Variants in FSIP2 observed in about 807,000 individuals in gnomAD.
FSIP2 encodes the protein fibrous sheath interacting protein 2.
A neutral mutation model predicts 510.5 loss-of-function variants in FSIP2; 367 were observed. That is an observed-to-expected ratio of 0.72 (90% confidence interval 0.66 to 0.78). The LOEUF (loss-of-function observed/expected upper bound fraction) is 0.78, where lower values mean the gene tolerates loss of function less well. FSIP2 is among the 30% of genes least tolerant of loss of function. The pLI is 0.00. For missense variants in FSIP2, 7,594 were observed against 7,901.7 expected, an observed-to-expected ratio of 0.96 and a Z score of 1.48; for synonymous variants, 2,601 against 2,732.2, an observed-to-expected ratio of 0.95 and a Z score of 1.50.
chr2:185,757,491 T>C (rs1331464133), intron 9 of FSIP2, among the ~76,000 whole-genome samples: 1 of 151,308 alleles, frequency 6.6e-6, no homozygotes, highest in Non-Finnish European at 1.5e-5. Flanking sequence ...ATGTGAGTCA[T>C]TGTAGGCTTT....
chr2:185,808,930 G>A lies in FSIP2; in HGVS notation c.19624G>A (p.Ala6542Thr). 1 of 1,607,592 alleles carries A rather than the reference G, an allele frequency of 6.2e-7. No individual in the cohort carries two copies. The highest frequency in any genetic ancestry group is 1.1e-5 in the South Asian group (1 of 89,590). The stretch of plus-strand genomic sequence containing the variant: ...TCCAAAAATTATTTCAGAACACTTA[G>A]CAGTTATTTCTATAAAAACTCAACC... ...IDPKIISEHL[A>T]VISIKTQPLE... Residue 6542 changes from alanine (A) to threonine (T), a missense_variant, in exon 17 of 23, where the codon GCA becomes ACA. Ala to Thr is a moderately conservative substitution (Grantham distance 58). Transcript: ENST00000424728.
At chr2:185,821,380 C>CT (rs1271506884) in intron 19 of FSIP2, among the ~76,000 whole-genome samples, 1 of 151,896 alleles carries the variant, frequency 6.6e-6, no homozygotes, top group African/African-American at 2.4e-5. Context: ...AGAATTAACA[C>CT]TAACCCCCCT....
In FSIP2 at chr2:185,789,613, C is replaced by T. The variant is rs1408928660; in HGVS notation, c.2477C>T (p.Ala826Val). 5 of 1,534,706 alleles carry T rather than the reference C, an allele frequency of 3.3e-6. No homozygotes were observed. In the East Asian group the frequency reaches 9.8e-5, roughly 30 times the overall value. Reference sequence around the variant, plus strand: ...GATATTGCAGAGGACATGGTGCATGCCATTTTAGAAAAGCTAATGACTCTT... The same window carrying T: ...GATATTGCAGAGGACATGGTGCATGTCATTTTAGAAAAGCTAATGACTCTT... ...MCDIAEDMVH[A>V]ILEKLMTLVS... Residue 826 changes from alanine to valine, a missense_variant, in exon 16 of 23, where the codon GCC becomes GTC. Physicochemically the swap from Ala to Val is moderately conservative, Grantham distance 64. Coordinates refer to ENST00000424728, the MANE Select transcript of FSIP2 (RefSeq NM_173651.4).
Position 185,807,684 on chromosome 2 carries a change from T to C in FSIP2, c.18378T>C (p.Ala6126=), listed in dbSNP as rs1693619430. 1 of 1,612,784 alleles carries C rather than the reference T, an allele frequency of 6.2e-7. No homozygotes were observed. Reference sequence around the variant, plus strand: ...TTGACTTGGTTCTACGAGAAGTGGCTAGCAATCAGCTGCAGAGCTATTTTT... The same window carrying C: ...TTGACTTGGTTCTACGAGAAGTGGCCAGCAATCAGCTGCAGAGCTATTTTT... ...NIVDLVLREV[A]SNQLQSYFCG... is the part of the protein sequence containing the mutation. Residue 6126 remains alanine (A), a synonymous_variant, in exon 17 of 23, where the codon GCT becomes GCC. Transcript: ENST00000424728.
At chr2:185,825,001 C>T (rs1036346371) in intron 20 of FSIP2, among the ~76,000 whole-genome samples, 3 of 151,584 alleles carry the variant, frequency 2.0e-5, no homozygotes, top group Admixed American at 1.3e-4. Flanking sequence ...CTGTCAAGAC[C>T]TTAGAGGGAG....
chr2:185,771,603 C>G (rs1692609972), intron 13 of FSIP2, among the ~76,000 whole-genome samples: 1 of 152,162 alleles, frequency 6.6e-6, no homozygotes, highest in Non-Finnish European at 1.5e-5. Flanking sequence ...GGGTCTGGCC[C>G]CTAAAACCAT....
chr2:185,749,201 T>A (rs927032355), intron 7 of FSIP2, among the ~76,000 whole-genome samples: 2 of 151,328 alleles, frequency 1.3e-5, no homozygotes, highest in African/African-American at 4.9e-5. Flanking sequence ...TGAGTTTTTT[T>A]AATTGGATTT....
At chr2:185,787,326 G>T (rs947950294) in intron 15 of FSIP2, among the ~76,000 whole-genome samples, 1 of 151,752 alleles carries the variant, frequency 6.6e-6, no homozygotes, top group African/African-American at 2.4e-5. Context: ...GATTACAGCT[G>T]AATAAAATGG....
intron 17 of FSIP2, among the ~76,000 whole-genome samples, chr2:185,810,384 C>T (rs1026961758): frequency 6.6e-6 from 1 of 151,994 alleles, no homozygotes; most frequent in African/African-American, 2.4e-5. Context: ...CCCTGCCCAA[C>T]ACATACACAT....
chr2:185,765,982 G>A (rs868320643), intron 13 of FSIP2: 26 of 150,614 alleles, frequency 1.7e-4, no homozygotes, highest in African/African-American at 4.6e-4. Flanking sequence ...TGTGATTTTT[G>A]TACATTGATT....
At chr2:185,759,163 A>G (rs1692301137) in intron 9 of FSIP2, among the ~76,000 whole-genome samples, 1 of 150,892 alleles carries the variant, frequency 6.6e-6, no homozygotes, top group Non-Finnish European at 1.5e-5. Flanking sequence ...CTAGATATTT[A>G]AATATAGCCT....
intron 13 of FSIP2, among the ~76,000 whole-genome samples, chr2:185,768,348 CAT>C (rs2105570695): frequency 6.6e-6 from 1 of 152,222 alleles, no homozygotes; most frequent in East Asian, 1.9e-4. Flanking sequence ...CCCAGATCAA[CAT>C]CAAGAAGCTT....
intron 13 of FSIP2, among the ~76,000 whole-genome samples, chr2:185,767,830 A>G (rs1426600546): frequency 2.0e-5 from 3 of 152,178 alleles, no homozygotes; most frequent in Non-Finnish European, 4.4e-5. Context: ...GAGTGCAGAT[A>G]TCTCTTCAAC....
At chr2:185,828,458 T>C (rs1694053041) in intron 21 of FSIP2, among the ~76,000 whole-genome samples, 1 of 151,892 alleles carries the variant, frequency 6.6e-6, no homozygotes, top group Non-Finnish European at 1.5e-5. Context: ...TCGTTCTCCC[T>C]AGCATCTAAG....
At chr2:185,739,066 C>T in intron 1 of FSIP2, 73 bp downstream of exon 1, 1 of 1,458,392 alleles carries the variant, frequency 6.9e-7, no homozygotes, top group South Asian at 1.4e-5. Flanking sequence ...GCAGGGATCG[C>T]CACACACGGG....
chr2:185,806,315 A>G lies in FSIP2; in HGVS notation c.17009A>G (p.His5670Arg). ...SPTQTCRDEE[H>R]HSDYEHVQNV... is the part of the protein sequence containing the mutation. ...ACACAAACGTGTAGGGATGAGGAAC[A>G]CCACTCAGATTATGAACATGTTCAA... Residue 5670 changes from histidine (H) to arginine (R), a missense_variant, in exon 17 of 23, where the codon CAC (histidine) becomes CGC (arginine). Coordinates refer to ENST00000424728, the MANE Select transcript of FSIP2 (RefSeq NM_173651.4). 1 of 1,608,828 alleles carries G rather than the reference A, an allele frequency of 6.2e-7. No individual in the cohort carries two copies.
intron 20 of FSIP2, among the ~76,000 whole-genome samples, chr2:185,826,692 T>C (rs546083777): frequency 6.6e-6 from 1 of 152,006 alleles, no homozygotes; most frequent in East Asian, 2.0e-4. Context: ...TTAACAGCTA[T>C]ATCACCAAGA....
chr2:185,802,336 A>G lies in FSIP2; in HGVS notation c.13030A>G (p.Arg4344Gly). Residue 4344 changes from arginine to glycine, a missense_variant, in exon 17 of 23, where the codon AGG (arginine) becomes GGG (glycine). Coordinates refer to ENST00000424728, the MANE Select transcript of FSIP2 (RefSeq NM_173651.4). Reference protein sequence around the residue: ...MTQRIVNSINRHFNKAKIHIL... With the variant: ...MTQRIVNSINGHFNKAKIHIL... ...CCAAAGAATAGTAAACTCCATAAAT[A>G]GGCATTTCAATAAAGCTAAAATTCA... 2 of 1,533,578 alleles carry G rather than the reference A, an allele frequency of 1.3e-6. No homozygotes were observed. The highest frequency in any genetic ancestry group is 1.7e-6 in the Non-Finnish European group (2 of 1,145,310). 95.0% of individuals were successfully genotyped at this position (1,533,578 alleles called of 1,614,324 possible).
rs1051848370 is a variant in FSIP2 at position 185,800,353 on chromosome 2, C to G, written c.11047C>G (p.Leu3683Val). 6 of 1,530,612 alleles carry G rather than the reference C, an allele frequency of 3.9e-6. No individual in the cohort carries two copies. The highest frequency in any genetic ancestry group is 5.2e-6 in the Non-Finnish European group (6 of 1,144,642). 94.8% of individuals were successfully genotyped at this position (1,530,612 alleles called of 1,614,324 possible). A position where few individuals can be genotyped will look rare whatever the true frequency, so the allele number is the denominator to read the frequency against. The part of the protein sequence containing the change: ...LSYLACKLNS[L>V]VGNLKTSESK... ...TTATCTTGCATGTAAGTTAAACAGC[C>G]TGGTTGGTAACCTAAAAACAAGTGA... The change falls in exon 17 of 23, where the codon CTG becomes GTG. Residue 3683 changes from leucine (L) to valine (V), a missense_variant. Physicochemically the swap from Leu to Val is conservative, Grantham distance 32. Transcript: ENST00000424728.
Sources: allele counts gnomAD v4.1 joint callset (sites outside exome capture counted in the v4.1 genomes callset), GRCh38; gene constraint gnomAD v4.1.1; transcripts MANE v1.5; gene names NCBI Gene and HGNC (gene_info 2026-07-23, HGNC 2026-07-21).